The following EXOC6B variants were observed in gnomAD, a reference collection of about 807,000 sequenced individuals.
EXOC6B encodes exocyst complex component 6B.
A neutral mutation model predicts 113.5 loss-of-function variants in EXOC6B; 54 were observed. The observed-to-expected ratio is 0.48, with a 90% CI of 0.38 to 0.60. EXOC6B has a LOEUF of 0.60. Among genes scored for constraint, EXOC6B ranks in the 20% least tolerant of loss-of-function variants. The pLI is 0.00. For missense variants in EXOC6B, 797 were observed against 977.5 expected, an observed-to-expected ratio of 0.82 and a Z score of 2.46; for synonymous variants, 357 against 339.0, an observed-to-expected ratio of 1.05 and a Z score of -0.58.
Position 72,495,464 on chromosome 2 carries a change from C to A in EXOC6B, c.1519G>T (p.Ala507Ser), listed in dbSNP as rs148711200. 1 of 1,604,256 alleles carries A rather than the reference C, an allele frequency of 6.2e-7. No individual in the cohort carries two copies. Among genetic ancestry groups the A allele is most frequent in the African/African-American group, 1.3e-5 (1 of 74,610 alleles). ...VYNQIKEFIY[A>S]CLKFSEDLHL... is the part of the protein sequence containing the mutation. ...AGATCTTCTGAAAACTTCAGACAAG[C>A]GTAGATAAATTCTTTAATTTGGTTG... Residue 507 changes from alanine (A) to serine (S), a missense_variant, in exon 15 of 22, where the codon GCT (alanine) becomes TCT (serine). By Grantham distance (99) the Ala-to-Ser change is moderately conservative. Coordinates refer to ENST00000272427, the MANE Select transcript of EXOC6B (RefSeq NM_015189.3).
At chr2:72,437,177 T>G (rs1232132608) in intron 18 of EXOC6B, among the ~76,000 whole-genome samples, 1 of 152,194 alleles carries the variant, frequency 6.6e-6, no homozygotes, top group Non-Finnish European at 1.5e-5. Context: ...CTGCTGGAGT[T>G]TGCTAGAGGT....
chr2:72,208,158 AGG>A (rs1679949772), intron 20 of EXOC6B, among the ~76,000 whole-genome samples: 2 of 151,992 alleles, frequency 1.3e-5, no homozygotes, highest in South Asian at 2.1e-4. Flanking sequence ...CACAATGCTG[AGG>A]TTTGGGGTAC....
chr2:72,724,354 AG>A (rs975504001), intron 5 of EXOC6B, among the ~76,000 whole-genome samples: 2 of 152,230 alleles, frequency 1.3e-5, no homozygotes, highest in African/African-American at 4.8e-5. Flanking sequence ...AGACGGATCA[AG>A]TCTTACTTAG....
intron 8 of EXOC6B, among the ~76,000 whole-genome samples, chr2:72,532,427 G>A (rs1702057106): frequency 6.6e-6 from 1 of 152,188 alleles, no homozygotes; most frequent in African/African-American, 2.4e-5. Flanking sequence ...TTTCTGAGTG[G>A]CTAGTAGGTA....
chr2:72,353,667 C>A (rs1054395648), intron 19 of EXOC6B, among the ~76,000 whole-genome samples: 2 of 151,842 alleles, frequency 1.3e-5, no homozygotes, highest in South Asian at 2.1e-4. Flanking sequence ...AGCTACCATG[C>A]CCAGGTGTAA....
intron 20 of EXOC6B, among the ~76,000 whole-genome samples, chr2:72,193,533 G>A (rs1251069353): frequency 6.6e-6 from 1 of 152,204 alleles, no homozygotes; most frequent in East Asian, 1.9e-4. Context: ...TCTAGGTACT[G>A]CATATGAAAT....
At chr2:72,354,910 C>T (rs998969198) in intron 19 of EXOC6B, among the ~76,000 whole-genome samples, 1 of 152,160 alleles carries the variant, frequency 6.6e-6, no homozygotes, top group Non-Finnish European at 1.5e-5. Flanking sequence ...TTGTGTACTT[C>T]CCACACCATT....
rs1323740900 is a variant in EXOC6B at position 72,352,980 on chromosome 2, C to G, written c.2123-17960G>C. 2.0e-5 allele frequency among the ~76,000 whole-genome samples: 3 copies of G among 152,068 alleles called. 1 individual carries two copies. In the East Asian group the frequency reaches 5.8e-4, roughly 29 times the overall value. On this transcript the variant is annotated intron_variant, in intron 19 of 21. Coordinates refer to ENST00000272427, the MANE Select transcript of EXOC6B (RefSeq NM_015189.3). The stretch of plus-strand genomic sequence containing the variant: ...AGGGCCAAAAAATATATTAAATGTA[C>G]CAGTGTAAACACTGGGAGACAAGCA...
At chr2:72,192,559 C>T (rs1048147992) in intron 20 of EXOC6B, among the ~76,000 whole-genome samples, 7 of 152,122 alleles carry the variant, frequency 4.6e-5, no homozygotes, top group African/African-American at 1.7e-4. Flanking sequence ...TCTTAGTAGG[C>T]AGCATGGGGC....
At position 72,270,445 on chromosome 2, in the gene EXOC6B, T is replaced by A. The variant is rs572596916; in HGVS notation, c.2196+64502A>T. 2.0e-5 allele frequency among the ~76,000 whole-genome samples: 3 copies of A among 152,224 alleles called. No individual in the cohort carries two copies. In the South Asian group the frequency reaches 6.2e-4, roughly 32 times the overall value. On this transcript the variant is annotated intron_variant, in intron 20 of 21. Coordinates refer to ENST00000272427, the MANE Select transcript of EXOC6B (RefSeq NM_015189.3). ...GCTAGATGTCACATTCCTCCAAATA[T>A]CAATAAGCATTTGAAATAAAAGACT...
At chr2:72,295,168 T>A (rs1573200101) in intron 20 of EXOC6B, among the ~76,000 whole-genome samples, 1 of 147,540 alleles carries the variant, frequency 6.8e-6, no homozygotes, top group African/African-American at 2.5e-5. Flanking sequence ...GAGGTGGAGG[T>A]TTCAGTGAGC....
At chr2:72,453,270 G>A (rs1573154083) in intron 18 of EXOC6B, among the ~76,000 whole-genome samples, 3 of 152,058 alleles carry the variant, frequency 2.0e-5, no homozygotes, top group Non-Finnish European at 2.9e-5. Flanking sequence ...ATACTGGCAC[G>A]TAAAAGAATC....
At chr2:72,598,024 T>C (rs77484650) in intron 6 of EXOC6B, among the ~76,000 whole-genome samples, 1 of 151,960 alleles carries the variant, frequency 6.6e-6, no homozygotes, top group African/African-American at 2.4e-5. Context: ...CATCTATCAA[T>C]AATTGAAAGA....
At chr2:72,529,432 T>C (rs1056811117) in intron 8 of EXOC6B, among the ~76,000 whole-genome samples, 1 of 152,240 alleles carries the variant, frequency 6.6e-6, no homozygotes, top group Admixed American at 6.5e-5. Context: ...TTTCCTTTTC[T>C]ATATTAATTT....
At chr2:72,754,078 G>A (rs535922328) in intron 1 of EXOC6B, among the ~76,000 whole-genome samples, 3 of 151,952 alleles carry the variant, frequency 2.0e-5, no homozygotes, top group Non-Finnish European at 4.4e-5. Flanking sequence ...GTAGAGACAA[G>A]GTCTCACTAT....
chr2:72,789,745 T>C (rs894944180), intron 1 of EXOC6B, among the ~76,000 whole-genome samples: 3 of 152,156 alleles, frequency 2.0e-5, no homozygotes, highest in Admixed American at 1.3e-4. Flanking sequence ...GAAAAATGTA[T>C]ATAGATAAGT....
intron 11 of EXOC6B, among the ~76,000 whole-genome samples, chr2:72,503,198 T>C (rs779745319): frequency 3.9e-5 from 6 of 152,282 alleles, no homozygotes; most frequent in Non-Finnish European, 7.4e-5. Flanking sequence ...AACACAAAAT[T>C]ATTAAACAAA....
At chr2:72,660,819 C>T (rs1674960182) in intron 6 of EXOC6B, among the ~76,000 whole-genome samples, 1 of 144,044 alleles carries the variant, frequency 6.9e-6, no homozygotes, top group East Asian at 2.0e-4. Flanking sequence ...CTAAGTTTAC[C>T]TTTTTTTTTT....
At chr2:72,577,289 G>C (rs1704933344) in intron 6 of EXOC6B, among the ~76,000 whole-genome samples, 1 of 152,022 alleles carries the variant, frequency 6.6e-6, no homozygotes, top group Non-Finnish European at 1.5e-5. Flanking sequence ...AAGTTAAATA[G>C]AATATTCTAT....
Sources: gnomAD v4.1 joint callset for allele counts (sites outside exome capture counted in the v4.1 genomes callset) on GRCh38, gnomAD v4.1.1 for gene constraint, MANE v1.5 for transcripts, NCBI Gene and HGNC (gene_info 2026-07-23, HGNC 2026-07-21) for gene names.